The following NUDT5 variants were observed in gnomAD, a reference collection of about 807,000 sequenced individuals.
The protein encoded by NUDT5 is nudix hydrolase 5.
In NUDT5, 21 loss-of-function variants were observed where a neutral mutation model predicts 34.1. The observed-to-expected ratio is 0.62, with a 90% CI of 0.44 to 0.89. The LOEUF is 0.89. Ranked by LOEUF, NUDT5 falls within the 40% of genes least tolerant of loss-of-function variation. NUDT5 has a pLI of 0.00. For synonymous variants in NUDT5, 85 were observed against 97.6 expected, an observed-to-expected ratio of 0.87 and a Z score of 0.76; for missense variants, 249 against 274.8, an observed-to-expected ratio of 0.91 and a Z score of 0.66.
At chr10:12,184,782 A>C in intron 3 of NUDT5, 107 bp downstream of exon 3, 2 of 719,892 alleles carry the variant, frequency 2.8e-6, no homozygotes, top group Non-Finnish European at 4.6e-6. Flanking sequence ...CAGATTATTT[A>C]AAACAGAGTT....
chr10:12,185,455 C>T (rs1160649500), intron 2 of NUDT5, among the ~76,000 whole-genome samples: 3 of 152,246 alleles, frequency 2.0e-5, no homozygotes, highest in Non-Finnish European at 2.9e-5. Context: ...TATCATGACA[C>T]GTGGGTTTCC....
chr10:12,176,609 A>G (rs1037800263), intron 5 of NUDT5, among the ~76,000 whole-genome samples: 11 of 152,184 alleles, frequency 7.2e-5, no homozygotes, highest in East Asian at 5.8e-4. Context: ...GTCTCAAATA[A>G]TAATAATAAA....
chr10:12,167,903 T>G, intron 9 of NUDT5, 92 bp from the exon 10 acceptor site: 1 of 1,558,672 alleles, frequency 6.4e-7, no homozygotes, highest in South Asian at 1.2e-5. Context: ...GGTACTACTA[T>G]ATGTCACTTC....
In NUDT5 at chr10:12,169,492, C is replaced by G. The variant is rs956808098; in HGVS notation, c.550+1225G>C. On this transcript the variant is annotated intron_variant, in intron 9 of 9. Coordinates refer to ENST00000491614, the MANE Select transcript of NUDT5 (RefSeq NM_014142.4). This position sits in a 1 kb window ranked among gnomAD's most constrained non-coding sequence, Gnocchi z 4.8. ...AATTATGGTCCGCGGAGCCTCAAAC[C>G]GAGTCGGGCCTGTGACTCCGAGCTG... 1.6e-5 allele frequency: 9 copies of G among 551,144 alleles called. No individual in the cohort carries two copies. Among genetic ancestry groups the G allele is most frequent in the Non-Finnish European group, 2.9e-5 (9 of 313,956 alleles). The allele number at this position is 551,144 out of a possible 1,614,324, so 34.1% of individuals were successfully genotyped here.
intron 1 of NUDT5, among the ~76,000 whole-genome samples, chr10:12,190,888 G>A (rs1835215523): frequency 6.6e-6 from 1 of 151,870 alleles, no homozygotes; most frequent in African/African-American, 2.4e-5. Context: ...GGATTACAGG[G>A]GTGAGCCATC....
rs57682635 is a variant in NUDT5, at chr10:12,182,205, T to C, written c.131+2684A>G. Among the ~76,000 whole-genome samples the C allele has an allele frequency of 0.041, 6,294 of 152,054 alleles. 433 individuals are homozygous for C. Among genetic ancestry groups the C allele is most frequent in the African/African-American group, 0.14 (5,927 of 41,444 alleles). On this transcript the variant is annotated intron_variant, in intron 3 of 9. Coordinates refer to ENST00000491614, the MANE Select transcript of NUDT5 (RefSeq NM_014142.4). The surrounding 1 kb of genome is among the most constrained non-coding windows in gnomAD (Gnocchi z 4.3). ...CCTTTTCCCCTGGGGGGACACTGAATGTCTGTGTTGTATGCCTGTGTTCTG... is the reference window on the plus strand; with the variant it reads ...CCTTTTCCCCTGGGGGGACACTGAACGTCTGTGTTGTATGCCTGTGTTCTG...
intron 5 of NUDT5, among the ~76,000 whole-genome samples, chr10:12,176,107 G>A (rs1588657027): frequency 6.6e-6 from 1 of 151,650 alleles, no homozygotes; most frequent in East Asian, 2.0e-4. Context: ...TGAGGCAGGA[G>A]AATCACTTGA....
chr10:12,183,236 C>A (rs553784182), intron 3 of NUDT5, among the ~76,000 whole-genome samples: 83 of 152,198 alleles, frequency 5.5e-4, no homozygotes, highest in African/African-American at 2.0e-3. Context: ...GGGTTTGGGC[C>A]CTACTTATTT....
intron 4 of NUDT5, among the ~76,000 whole-genome samples, chr10:12,178,814 C>T (rs150357373): frequency 6.6e-6 from 1 of 152,330 alleles, no homozygotes; most frequent in Non-Finnish European, 1.5e-5. Flanking sequence ...CGTCTAGACA[C>T]AGGTGTGGCT....
Position 12,167,568 on chromosome 10 carries a change from A to G in NUDT5, c.*134T>C. ...CCTGTAATTACAATTCCATACCACC[A>G]CCACATCTGTTCTGTGCTTTTATTT... On this transcript the variant is annotated 3_prime_UTR_variant, in exon 10 of 10. Coordinates refer to ENST00000491614, the MANE Select transcript of NUDT5 (RefSeq NM_014142.4). 1 of 770,456 alleles carries G rather than the reference A, an allele frequency of 1.3e-6. No homozygotes were observed. 47.7% of individuals were successfully genotyped at this position (770,456 alleles called of 1,614,324 possible).
chr10:12,192,794 T>C (rs1366264209), intron 1 of NUDT5, among the ~76,000 whole-genome samples: 1 of 152,086 alleles, frequency 6.6e-6, no homozygotes, highest in East Asian at 1.9e-4. Flanking sequence ...GCAGTTGCAG[T>C]GAGCCAAGAT....
chr10:12,183,062 A>T (rs1835070035), intron 3 of NUDT5, among the ~76,000 whole-genome samples: 1 of 152,206 alleles, frequency 6.6e-6, no homozygotes, highest in South Asian at 2.1e-4. Flanking sequence ...GACTCATTAG[A>T]GTTGAGGGCT....
intron 1 of NUDT5, among the ~76,000 whole-genome samples, chr10:12,190,606 CTTT>C (rs1013405393): frequency 1.4e-4 from 18 of 127,958 alleles, no homozygotes; most frequent in Non-Finnish European, 1.8e-4. Flanking sequence ...ATGATAAAGC[CTTT>C]TTTTTTTTTT....
chr10:12,188,315 A>C (rs1588662279), intron 1 of NUDT5, among the ~76,000 whole-genome samples: 1 of 152,232 alleles, frequency 6.6e-6, no homozygotes, highest in Admixed American at 6.5e-5. Context: ...AAATACAATC[A>C]ATAACAAAAC....
In NUDT5 at chr10:12,169,285, G is replaced by T. The variant is rs1235255498; in HGVS notation, c.550+1432C>A. On this transcript the variant is annotated intron_variant, in intron 9 of 9. Coordinates refer to ENST00000491614, the MANE Select transcript of NUDT5 (RefSeq NM_014142.4). This position sits in a 1 kb window ranked among gnomAD's most constrained non-coding sequence, Gnocchi z 4.8. ...CAAAAGTGAAGTTAAGAAGGTGGAA[G>T]GGAGAAGGAAGACATTTTACAAAAA... The T allele has an allele frequency of 1.9e-6, 3 of 1,553,918 alleles. No individual in the cohort carries two copies. Among genetic ancestry groups the T allele is most frequent in the Non-Finnish European group, 2.6e-6 (3 of 1,147,532 alleles).
chr10:12,184,238 G>T (rs1420115606), intron 3 of NUDT5, among the ~76,000 whole-genome samples: 1 of 152,094 alleles, frequency 6.6e-6, no homozygotes, highest in Non-Finnish European at 1.5e-5. Context: ...GCAGAGATGG[G>T]GTTTCGCCAT....
intron 1 of NUDT5, among the ~76,000 whole-genome samples, chr10:12,193,893 GAA>G (rs890746648): frequency 4.0e-5 from 6 of 149,406 alleles, no homozygotes; most frequent in Admixed American, 6.6e-5. Flanking sequence ...TCCCGAGACG[GAA>G]AAAAAAGAGT....
At chr10:12,189,758 G>A (rs1477376584) in intron 1 of NUDT5, among the ~76,000 whole-genome samples, 1 of 152,128 alleles carries the variant, frequency 6.6e-6, no homozygotes, top group Admixed American at 6.5e-5. Context: ...CTGACTCAAC[G>A]CTATTTCAAG....
At position 12,169,170 on chromosome 10, in the gene NUDT5, T is replaced by G. The variant is rs1588653020; in HGVS notation, c.551-1359A>C. The G allele has an allele frequency of 1.3e-6, 1 of 758,314 alleles. No individual in the cohort carries two copies. The allele number at this position is 758,314 out of a possible 1,614,324, so 47.0% of individuals were successfully genotyped here. A position where few individuals can be genotyped will look rare whatever the true frequency, so the allele number is the denominator to read the frequency against. On this transcript the variant is annotated intron_variant, in intron 9 of 9. Transcript: ENST00000491614. This position sits in a 1 kb window ranked among gnomAD's most constrained non-coding sequence, Gnocchi z 4.8. ...TTGATTCTGCTAAAGCTAGGCAACT[T>G]GGTTCTTTTACCCCTCCTCCTTTAT...
Sources: gnomAD v4.1 joint callset for allele counts (sites outside exome capture counted in the v4.1 genomes callset) on GRCh38, gnomAD v4.1.1 for gene constraint, Gnocchi (gnomAD v3.1) non-coding constraint, MANE v1.5 for transcripts, NCBI Gene and HGNC (gene_info 2026-07-23, HGNC 2026-07-21) for gene names.